The following MPP7 variants were observed in gnomAD, a reference collection of about 807,000 sequenced individuals.
MPP7 encodes MAGUK p55 scaffold protein 7.
A neutral mutation model predicts 76.5 loss-of-function variants in MPP7; 60 were observed. The ratio of observed to expected loss-of-function variants is 0.78; its 90% CI spans 0.64 to 0.97. The LOEUF (loss-of-function observed/expected upper bound fraction) is 0.97. MPP7 is among the 50% of genes least tolerant of loss of function. MPP7 has a pLI of 0.00. For missense variants in MPP7, 641 were observed against 694.0 expected, an observed-to-expected ratio of 0.92 and a Z score of 0.86; for synonymous variants, 237 against 244.5, an observed-to-expected ratio of 0.97 and a Z score of 0.29.
At chr10:28,255,686 T>C (rs542316349) in intron 1 of MPP7, among the ~76,000 whole-genome samples, 1 of 152,338 alleles carries the variant, frequency 6.6e-6, no homozygotes, top group Admixed American at 6.5e-5. Flanking sequence ...ATTACAGGCA[T>C]GAGCCACTGT....
intron 12 of MPP7, among the ~76,000 whole-genome samples, chr10:28,080,116 AAAG>A (rs1852692437): frequency 6.6e-6 from 1 of 151,924 alleles, no homozygotes; most frequent in South Asian, 2.1e-4. Flanking sequence ...AAGGAAAGAA[AAAG>A]AAAAGAAAGA....
At chr10:28,183,334 T>C (rs1837120982) in intron 3 of MPP7, among the ~76,000 whole-genome samples, 1 of 152,196 alleles carries the variant, frequency 6.6e-6, no homozygotes, top group African/African-American at 2.4e-5. Context: ...TTGTTCTCAT[T>C]TTTAATGCCC....
intron 2 of MPP7, among the ~76,000 whole-genome samples, chr10:28,209,888 A>G (rs1192218699): frequency 1.3e-5 from 2 of 152,200 alleles, no homozygotes; most frequent in Admixed American, 6.5e-5. Context: ...TTGAATTGGT[A>G]GACTCAAGAA....
chr10:28,294,812 C>A (rs1841002416), intron 1 of MPP7, among the ~76,000 whole-genome samples: 1 of 152,164 alleles, frequency 6.6e-6, no homozygotes, highest in African/African-American at 2.4e-5. Context: ...CACATTGGAG[C>A]CCACTTACAT....
intron 3 of MPP7, among the ~76,000 whole-genome samples, chr10:28,153,660 T>C (rs1202744779): frequency 6.6e-6 from 1 of 152,192 alleles, no homozygotes; most frequent in Admixed American, 6.5e-5. Context: ...TGTTTAATTT[T>C]AGTGAGGAAA....
intron 5 of MPP7, among the ~76,000 whole-genome samples, chr10:28,138,582 C>T (rs1315797741): frequency 1.3e-5 from 2 of 152,142 alleles, no homozygotes; most frequent in Admixed American, 1.3e-4. Flanking sequence ...TGGGTATAAT[C>T]TTTCAATTTT....
rs531485522 is a variant in MPP7, at chr10:28,325,654, C to T, written c.-132+4275G>A. ...GATTACAGGCATGCACCACCATACCCGGCTAATTTTTGTATTTTTAGTAGA... is the reference window on the plus strand; with the variant it reads ...GATTACAGGCATGCACCACCATACCTGGCTAATTTTTGTATTTTTAGTAGA... On this transcript the variant is annotated intron_variant, in intron 2 of 11. Transcript: ENST00000441595. 3.9e-5 allele frequency among the ~76,000 whole-genome samples: 6 copies of T among 151,996 alleles called. No individual in the cohort carries two copies. In the South Asian group the frequency reaches 6.3e-4, roughly 16 times the overall value.
chr10:28,077,540 C>T (rs1001324529), intron 12 of MPP7, among the ~76,000 whole-genome samples: 1 of 152,142 alleles, frequency 6.6e-6, no homozygotes, highest in Non-Finnish European at 1.5e-5. Flanking sequence ...ACCATCCTGT[C>T]CCGTATCCTC....
rs1260403369 is a variant in MPP7, at chr10:28,054,083, C to CA, written c.1712dup (p.Ser572GlufsTer18). On this transcript the variant is annotated frameshift_variant, in exon 17 of 17. Coordinates refer to ENST00000683449, the MANE Select transcript of MPP7 (RefSeq NM_001318170.2). LOFTEE classifies it high-confidence loss of function. The stretch of plus-strand genomic sequence containing the variant: ...CTCTTAGTTATGAATGTAACCAGCT[C>CA]ACTGGCACCCAATGGGTCTCTGTCT... 6.2e-7 allele frequency: 1 copy of CA among 1,613,544 alleles called. No individual in the cohort carries two copies. Among genetic ancestry groups the CA allele is most frequent in the African/African-American group, 1.3e-5 (1 of 74,906 alleles).
At chr10:28,312,153 G>A (rs934549494) in intron 2 of MPP7, among the ~76,000 whole-genome samples, 2 of 152,146 alleles carry the variant, frequency 1.3e-5, no homozygotes, top group East Asian at 3.9e-4. Context: ...TACCTGAGCT[G>A]ATTGTCGCTG....
chr10:28,106,026 T>C (rs1834314435), intron 11 of MPP7, among the ~76,000 whole-genome samples: 1 of 152,192 alleles, frequency 6.6e-6, no homozygotes, highest in African/African-American at 2.4e-5. Context: ...TCTACTTAGA[T>C]GGTCCCGTTT....
chr10:28,096,166 A>G (rs139671913), intron 11 of MPP7, among the ~76,000 whole-genome samples: 1 of 152,358 alleles, frequency 6.6e-6, no homozygotes, highest in East Asian at 1.9e-4. Flanking sequence ...TGCAATAAAC[A>G]TCCCTTTATC....
chr10:28,120,113 T>C, intron 10 of MPP7, 81 bp downstream of exon 10: 1 of 1,406,836 alleles, frequency 7.1e-7, no homozygotes. Context: ...GCATATTTTA[T>C]CACATCAATG....
intron 3 of MPP7, among the ~76,000 whole-genome samples, chr10:28,164,590 C>T (rs1227275375): frequency 6.6e-6 from 1 of 152,070 alleles, no homozygotes; most frequent in Admixed American, 6.6e-5. Context: ...GAATAATAGA[C>T]CAAGAGTGTC....
intron 1 of MPP7, among the ~76,000 whole-genome samples, chr10:28,244,264 A>G (rs1839362558): frequency 2.0e-5 from 3 of 152,194 alleles, no homozygotes; most frequent in Non-Finnish European, 4.4e-5. Flanking sequence ...GTCATTATTT[A>G]TACATTCAAA....
At chr10:28,269,328 C>T (rs1249874935) in intron 1 of MPP7, among the ~76,000 whole-genome samples, 2 of 152,072 alleles carry the variant, frequency 1.3e-5, no homozygotes, top group Non-Finnish European at 2.9e-5. Flanking sequence ...AAACTGAGGT[C>T]GATTTTAACT....
chr10:28,203,813 GGT>G (rs1837859940), intron 2 of MPP7, among the ~76,000 whole-genome samples: 1 of 152,046 alleles, frequency 6.6e-6, no homozygotes, highest in South Asian at 2.1e-4. Context: ...CCTATTCCTT[GGT>G]AACATGACTT....
intron 3 of MPP7, among the ~76,000 whole-genome samples, chr10:28,159,805 A>G (rs1197763288): frequency 6.6e-6 from 1 of 152,180 alleles, no homozygotes; most frequent in Non-Finnish European, 1.5e-5. Context: ...CTTGCATTCT[A>G]CATGGCGCTT....
In MPP7 at chr10:28,051,065, A is replaced by T. The variant is rs1177539932; in HGVS notation, c.*3000T>A. The T allele has an allele frequency of 6.6e-6, 1 of 152,224 alleles. No individual in the cohort carries two copies. The highest frequency in any genetic ancestry group is 2.4e-5 in the African/African-American group (1 of 41,464). The allele number at this position is 152,224 out of a possible 1,614,324, so 9.4% of individuals were successfully genotyped here. Reference sequence around the variant, plus strand: ...ATTACATCACTTCATATCACAGTAGAAAATATAATTTGTTCTACCATGGGA... The same window carrying T: ...ATTACATCACTTCATATCACAGTAGTAAATATAATTTGTTCTACCATGGGA... On this transcript the variant is annotated 3_prime_UTR_variant, in exon 17 of 17. Transcript: ENST00000683449.
Sources: gnomAD v4.1 joint callset for allele counts (sites outside exome capture counted in the v4.1 genomes callset) on GRCh38, gnomAD v4.1.1 for gene constraint, MANE v1.5 for transcripts, NCBI Gene and HGNC (gene_info 2026-07-23, HGNC 2026-07-21) for gene names.